C19orf85: variants seen among roughly 807,000 people sequenced by gnomAD.
The protein encoded by C19orf85 is uncharacterized protein C19orf85.
At position 55,463,163 on chromosome 19, in the gene C19orf85, G is replaced by C. The variant is rs954034435; in HGVS notation, c.*309C>G. The C allele has an allele frequency of 6.3e-6, 2 of 318,314 alleles. No individual in the cohort carries two copies. The highest frequency in any genetic ancestry group is 1.1e-5 in the Non-Finnish European group (2 of 175,180). The allele number at this position is 318,314 out of a possible 1,614,324, so 19.7% of individuals were successfully genotyped here. A position where few individuals can be genotyped will look rare whatever the true frequency, so the allele number is the denominator to read the frequency against. ...ATAGTAGGCGCTCGATACATCTTTG[G>C]GAATAAATGACAGGAGAGCAGACAT... On this transcript the variant is annotated 3_prime_UTR_variant, in exon 2 of 2. Coordinates refer to ENST00000635964, the MANE Select transcript of C19orf85 (RefSeq NM_001386794.1). This position sits in a 1 kb window ranked among gnomAD's most constrained non-coding sequence, Gnocchi z 4.9.
At chr19:55,464,347 C>T (rs990208096) in intron 1 of C19orf85, 35 bp downstream of exon 1, 21 of 398,512 alleles carry the variant, frequency 5.3e-5, no homozygotes, top group Non-Finnish European at 7.5e-5. Flanking sequence ...CCCTCTTCCC[C>T]GTCCCGTGCC....
At position 55,463,732 on chromosome 19, in the gene C19orf85, C is replaced by G; in HGVS notation, c.409G>C (p.Glu137Gln). Residue 137 changes from glutamate (E) to glutamine (Q), a missense_variant, in exon 2 of 2, where the codon GAG becomes CAG. Transcript: ENST00000635964. This position sits in a 1 kb window ranked among gnomAD's most constrained non-coding sequence, Gnocchi z 4.9. ...GGGTCCCATGGCATTGAGGCACACT[C>G]TGGGGTGAGCGCAATGTTGTCAAAG... ...DLFDNIALTP[E>Q]CASMPWDPSS... 1 of 398,846 alleles carries G rather than the reference C, an allele frequency of 2.5e-6. No individual in the cohort carries two copies. The highest frequency in any genetic ancestry group is 4.4e-6 in the Non-Finnish European group (1 of 226,234). 24.7% of individuals were successfully genotyped at this position (398,846 alleles called of 1,614,324 possible). A position where few individuals can be genotyped will look rare whatever the true frequency, so the allele number is the denominator to read the frequency against.
Position 55,464,508 on chromosome 19 carries a change from G to A in C19orf85, c.47C>T (p.Pro16Leu), listed in dbSNP as rs892876654. Residue 16 changes from proline to leucine, a missense_variant, in exon 1 of 2, where the codon CCC becomes CTC. Physicochemically the swap from Pro to Leu is moderately conservative, Grantham distance 98 (BLOSUM62 -3). Coordinates refer to ENST00000635964, the MANE Select transcript of C19orf85 (RefSeq NM_001386794.1). The part of the protein sequence containing the change: ...PEGPGVSEPG[P>L]RELCAFVSGA... ...GCTCACAAAGGCACACAGCTCCCGG[G>A]GGCCGGGCTCGGAGACCCCAGGGCC... 13 of 398,418 alleles carry A rather than the reference G, an allele frequency of 3.3e-5. No homozygotes were observed. The highest frequency in any genetic ancestry group is 1.3e-4 in the Admixed American group (3 of 22,738). 24.7% of individuals were successfully genotyped at this position (398,418 alleles called of 1,614,324 possible).
Position 55,463,573 on chromosome 19 carries a change from C to T in C19orf85, c.568G>A (p.Asp190Asn). The change falls in exon 2 of 2, where the codon GAT becomes AAT. Residue 190 changes from aspartate (D) to asparagine (N), a missense_variant. Coordinates refer to ENST00000635964, the MANE Select transcript of C19orf85 (RefSeq NM_001386794.1). The surrounding 1 kb of genome is among the most constrained non-coding windows in gnomAD (Gnocchi z 4.9). ...CAACCCCAGTCGGGAGCCACGAGAT[C>T]AGCCTCTTCCCCCAGGGCATGCTGG... ...LPQHALGEEA[D>N]LVAPDWGWVD... is the part of the protein sequence containing the mutation. The T allele has an allele frequency of 2.5e-6, 1 of 398,662 alleles. No homozygotes were observed. Among genetic ancestry groups the T allele is most frequent in the East Asian group, 3.6e-5 (1 of 28,076 alleles). 24.7% of individuals were successfully genotyped at this position (398,662 alleles called of 1,614,324 possible). A position where few individuals can be genotyped will look rare whatever the true frequency, so the allele number is the denominator to read the frequency against.
chr19:55,463,322 G>A lies in C19orf85; in HGVS notation c.*150C>T. 2.5e-6 allele frequency: 1 copy of A among 398,050 alleles called. No homozygotes were observed. The highest frequency in any genetic ancestry group is 4.4e-6 in the Non-Finnish European group (1 of 226,256). 24.7% of individuals were successfully genotyped at this position (398,050 alleles called of 1,614,324 possible). Reference sequence around the variant, plus strand: ...GGCCCAGGAGGAGACCCCTGAGGCAGTGGTCTGAAGTGGGGGTCTGGGTTG... The same window carrying A: ...GGCCCAGGAGGAGACCCCTGAGGCAATGGTCTGAAGTGGGGGTCTGGGTTG... On this transcript the variant is annotated 3_prime_UTR_variant, in exon 2 of 2. Transcript: ENST00000635964. The surrounding 1 kb of genome is among the most constrained non-coding windows in gnomAD (Gnocchi z 4.9).
Position 55,463,617 on chromosome 19 carries a change from C to T in C19orf85, c.524G>A (p.Cys175Tyr). The T allele has an allele frequency of 5.0e-6, 2 of 398,638 alleles. No individual in the cohort carries two copies. Among genetic ancestry groups the T allele is most frequent in the Non-Finnish European group, 8.8e-6 (2 of 226,112 alleles). The allele number at this position is 398,638 out of a possible 1,614,324, so 24.7% of individuals were successfully genotyped here. The change falls in exon 2 of 2, where the codon TGC (cysteine) becomes TAC (tyrosine). Residue 175 changes from cysteine (C) to tyrosine (Y), a missense_variant. Transcript: ENST00000635964. This position sits in a 1 kb window ranked among gnomAD's most constrained non-coding sequence, Gnocchi z 4.9. ...ATGCTGGGGAAGGGGCAGGGGGCCG[C>T]AGAAATGTGGGACCTGCCTCAGGTC... ...QLDLRQVPHF[C>Y]GPLPLPQHAL...
chr19:55,464,073 C>T (rs1986315888), intron 1 of C19orf85, 106 bp from the exon 2 acceptor site: 1 of 398,248 alleles, frequency 2.5e-6, no homozygotes, highest in Non-Finnish European at 4.4e-6. Flanking sequence ...GCCACCACCC[C>T]CGGCCAGCAT....
Position 55,463,442 on chromosome 19 carries a change from C to T in C19orf85, c.*30G>A. 1 of 398,416 alleles carries T rather than the reference C, an allele frequency of 2.5e-6. No individual in the cohort carries two copies. 24.7% of individuals were successfully genotyped at this position (398,416 alleles called of 1,614,324 possible). On this transcript the variant is annotated 3_prime_UTR_variant, in exon 2 of 2. Coordinates refer to ENST00000635964, the MANE Select transcript of C19orf85 (RefSeq NM_001386794.1). The surrounding 1 kb of genome is among the most constrained non-coding windows in gnomAD (Gnocchi z 4.9). ...CGTCGTGGAGGGGCCTCTGGCTTGTCCTGGGTTCTGGGCTGGGTTGTGATT... is the reference window on the plus strand; with the variant it reads ...CGTCGTGGAGGGGCCTCTGGCTTGTTCTGGGTTCTGGGCTGGGTTGTGATT...
intron 1 of C19orf85, 103 bp from the exon 2 acceptor site, chr19:55,464,070 C>A (rs930209876): frequency 5.0e-6 from 2 of 398,168 alleles, no homozygotes; most frequent in African/African-American, 2.1e-5. Context: ...TGAGCCACCA[C>A]CCCCGGCCAG....
chr19:55,463,564 C>A lies in C19orf85; in HGVS notation c.577G>T (p.Ala193Ser), dbSNP rs570073099. 3.5e-5 allele frequency: 14 copies of A among 398,616 alleles called. No individual in the cohort carries two copies. The highest frequency in any genetic ancestry group is 1.6e-4 in the African/African-American group (8 of 48,720). The allele number at this position is 398,616 out of a possible 1,614,324, so 24.7% of individuals were successfully genotyped here. ...CAGTCCACCCAACCCCAGTCGGGAGCCACGAGATCAGCCTCTTCCCCCAGG... is the reference window on the plus strand; with the variant it reads ...CAGTCCACCCAACCCCAGTCGGGAGACACGAGATCAGCCTCTTCCCCCAGG... ...HALGEEADLVAPDWGWVDCWE... is the reference protein window; with the variant it reads ...HALGEEADLVSPDWGWVDCWE... The change falls in exon 2 of 2, where the codon GCT (alanine) becomes TCT (serine). Residue 193 changes from alanine to serine, a missense_variant. Transcript: ENST00000635964. This position sits in a 1 kb window ranked among gnomAD's most constrained non-coding sequence, Gnocchi z 4.9.
chr19:55,463,766 G>A lies in C19orf85; in HGVS notation c.375C>T (p.Thr125=). 2.5e-6 allele frequency: 1 copy of A among 398,938 alleles called. No individual in the cohort carries two copies. The highest frequency in any genetic ancestry group is 4.4e-6 in the Non-Finnish European group (1 of 226,332). The allele number at this position is 398,938 out of a possible 1,614,324, so 24.7% of individuals were successfully genotyped here. The change falls in exon 2 of 2, where the codon ACC becomes ACT. Residue 125 remains threonine, a synonymous_variant. Transcript: ENST00000635964. The surrounding 1 kb of genome is among the most constrained non-coding windows in gnomAD (Gnocchi z 4.9). The part of the protein sequence containing the change: ...SLSLAALDTS[T]LDLFDNIALT... Reference sequence around the variant, plus strand: ...GCGCAATGTTGTCAAAGAGGTCGAGGGTAGAGGTGTCCAGGGCAGCGAGAC... The same window carrying A: ...GCGCAATGTTGTCAAAGAGGTCGAGAGTAGAGGTGTCCAGGGCAGCGAGAC...
rs912896845 is a variant in C19orf85, at chr19:55,463,538, G to A, written c.603C>T (p.Cys201=). 3 of 398,598 alleles carry A rather than the reference G, an allele frequency of 7.5e-6. No individual in the cohort carries two copies. The highest frequency in any genetic ancestry group is 1.3e-5 in the Non-Finnish European group (3 of 226,182). The allele number at this position is 398,598 out of a possible 1,614,324, so 24.7% of individuals were successfully genotyped here. A position where few individuals can be genotyped will look rare whatever the true frequency, so the allele number is the denominator to read the frequency against. ...LVAPDWGWVD[C]WEVPRAWDSQ... is the part of the protein sequence containing the mutation. Reference sequence around the variant, plus strand: ...AATCCCAGGCACGAGGCACCTCCCAGCAGTCCACCCAACCCCAGTCGGGAG... The same window carrying A: ...AATCCCAGGCACGAGGCACCTCCCAACAGTCCACCCAACCCCAGTCGGGAG... The change falls in exon 2 of 2, where the codon TGC becomes TGT. Residue 201 remains cysteine, a synonymous_variant. Transcript: ENST00000635964. The surrounding 1 kb of genome is among the most constrained non-coding windows in gnomAD (Gnocchi z 4.9).
In C19orf85 at chr19:55,463,011, T is replaced by C. The variant is rs1986293174; in HGVS notation, c.*461A>G. 1 of 160,004 alleles carries C rather than the reference T, an allele frequency of 6.2e-6. No individual in the cohort carries two copies. The highest frequency in any genetic ancestry group is 2.0e-4 in the South Asian group (1 of 4,910). The allele number at this position is 160,004 out of a possible 1,614,324, so 9.9% of individuals were successfully genotyped here. ...TTGCTTTTTGAAAAATGCATGGATA[T>C]ACTCTTTTATTGTCTGTTCCCCGCC... On this transcript the variant is annotated 3_prime_UTR_variant, in exon 2 of 2. Transcript: ENST00000635964. This position sits in a 1 kb window ranked among gnomAD's most constrained non-coding sequence, Gnocchi z 4.9.
chr19:55,464,032 G>T (rs1038521353), intron 1 of C19orf85, 65 bp from the exon 2 acceptor site: 3 of 398,626 alleles, frequency 7.5e-6, no homozygotes, highest in African/African-American at 6.2e-5. Flanking sequence ...TCCTGCCTCG[G>T]CCTTTCAAGG....
rs920321226 is a variant in C19orf85 at position 55,463,372 on chromosome 19, G to A, written c.*100C>T. ...GGTTTATTTTCCCAGGGGCTGCCAGGAAGGGAGTGGACAGGTTGGGGGCTC... is the reference window on the plus strand; with the variant it reads ...GGTTTATTTTCCCAGGGGCTGCCAGAAAGGGAGTGGACAGGTTGGGGGCTC... On this transcript the variant is annotated 3_prime_UTR_variant, in exon 2 of 2. Transcript: ENST00000635964. The surrounding 1 kb of genome is among the most constrained non-coding windows in gnomAD (Gnocchi z 4.9). 132 of 398,804 alleles carry A rather than the reference G, an allele frequency of 3.3e-4. No individual in the cohort carries two copies. Among genetic ancestry groups the A allele is most frequent in the Non-Finnish European group, 4.2e-4 (96 of 226,430 alleles). The allele number at this position is 398,804 out of a possible 1,614,324, so 24.7% of individuals were successfully genotyped here.
Position 55,464,524 on chromosome 19 carries a change from C to A in C19orf85, c.31G>T (p.Val11Phe), listed in dbSNP as rs919011749. 1 of 398,288 alleles carries A rather than the reference C, an allele frequency of 2.5e-6. No individual in the cohort carries two copies. The highest frequency in any genetic ancestry group is 4.4e-6 in the Non-Finnish European group (1 of 225,910). The allele number at this position is 398,288 out of a possible 1,614,324, so 24.7% of individuals were successfully genotyped here. A position where few individuals can be genotyped will look rare whatever the true frequency, so the allele number is the denominator to read the frequency against. The stretch of plus-strand genomic sequence containing the variant: ...AGCTCCCGGGGGCCGGGCTCGGAGA[C>A]CCCAGGGCCTTCGGGGACCCCGGGG... Reference protein sequence around the residue: MHPGVPEGPGVSEPGPRELCA... With the variant: MHPGVPEGPGFSEPGPRELCA... The change falls in exon 1 of 2, where the codon GTC becomes TTC. Residue 11 changes from valine (V) to phenylalanine (F), a missense_variant. Val to Phe is a conservative substitution (Grantham distance 50). Coordinates refer to ENST00000635964, the MANE Select transcript of C19orf85 (RefSeq NM_001386794.1).
In C19orf85 at chr19:55,463,886, C is replaced by T. The variant is rs1045837381; in HGVS notation, c.255G>A (p.Ser85=). ...LSQEAPPQRP[S]LQKPPPPPPS... ...GAGGCGGTGGGGGTGGCTTTTGGAG[C>T]GAGGGTCTCTGGGGAGGTGCCTCCT... Residue 85 remains serine, a synonymous_variant, in exon 2 of 2, where the codon TCG becomes TCA. Transcript: ENST00000635964. This position sits in a 1 kb window ranked among gnomAD's most constrained non-coding sequence, Gnocchi z 4.9. The T allele has an allele frequency of 5.5e-5, 22 of 398,678 alleles. No homozygotes were observed. The highest frequency in any genetic ancestry group is 6.2e-4 in the Middle Eastern group (1 of 1,616). 24.7% of individuals were successfully genotyped at this position (398,678 alleles called of 1,614,324 possible).
chr19:55,463,650 C>A lies in C19orf85; in HGVS notation c.491G>T (p.Gly164Val). 1 of 398,736 alleles carries A rather than the reference C, an allele frequency of 2.5e-6. No individual in the cohort carries two copies. 24.7% of individuals were successfully genotyped at this position (398,736 alleles called of 1,614,324 possible). The change falls in exon 2 of 2, where the codon GGC becomes GTC. Residue 164 changes from glycine (G) to valine (V), a missense_variant. Gly to Val is a moderately radical substitution (Grantham distance 109). Transcript: ENST00000635964. This position sits in a 1 kb window ranked among gnomAD's most constrained non-coding sequence, Gnocchi z 4.9. The part of the protein sequence containing the change: ...PAPGLSHRDL[G>V]QLDLRQVPHF... ...TGGGACCTGCCTCAGGTCCAGCTGG[C>A]CCAGGTCGCGATGGGACAGACCCGG...
At chr19:55,464,290 C>T (rs1321075572) in intron 1 of C19orf85, 92 bp downstream of exon 1, 3 of 397,844 alleles carry the variant, frequency 7.5e-6, no homozygotes, top group African/African-American at 2.1e-5. Flanking sequence ...CTGCTCCTCT[C>T]TGTCTGTACC....
Sources: gnomAD v4.1 joint callset for allele counts on GRCh38, gnomAD v4.1.1 for gene constraint, Gnocchi (gnomAD v3.1) non-coding constraint, MANE v1.5 for transcripts, NCBI Gene and HGNC (gene_info 2026-07-23, HGNC 2026-07-21) for gene names.